Variants in RAB12 observed in about 807,000 individuals in gnomAD.
RAB12 encodes RAB12, member RAS oncogene family.
A neutral mutation model predicts 28.4 loss-of-function variants in RAB12; 11 were observed. The observed-to-expected ratio is 0.39, with a 90% confidence interval of 0.24 to 0.64. RAB12 has a LOEUF of 0.64. RAB12 is among the 30% of genes least tolerant of loss of function. The pLI is 0.50. For synonymous variants in RAB12, 138 were observed against 145.3 expected, an observed-to-expected ratio of 0.95 and a Z score of 0.36; for missense variants, 276 against 351.1, an observed-to-expected ratio of 0.79 and a Z score of 1.71.
intron 2 of RAB12, among the ~76,000 whole-genome samples, chr18:8,631,478 A>G (rs2096015952): frequency 6.6e-6 from 1 of 152,126 alleles, no homozygotes; most frequent in Non-Finnish European, 1.5e-5. Flanking sequence ...TCTGCCCACT[A>G]CTGCCCTGCT....
intron 2 of RAB12, among the ~76,000 whole-genome samples, 196 bp downstream of exon 2, chr18:8,625,194 C>CAT (rs2096011993): frequency 6.6e-6 from 1 of 152,226 alleles, no homozygotes; most frequent in Non-Finnish European, 1.5e-5. Flanking sequence ...GCCACTTGCA[C>CAT]ATGGGGAGCA....
intron 3 of RAB12, 123 bp downstream of exon 3, chr18:8,633,450 C>T: frequency 1.9e-6 from 2 of 1,060,168 alleles, no homozygotes; most frequent in South Asian, 1.5e-5. Flanking sequence ...ATCATTTAGC[C>T]CATATATAGC....
intron 2 of RAB12, among the ~76,000 whole-genome samples, chr18:8,626,065 C>T (rs1382885847): frequency 2.0e-5 from 3 of 152,084 alleles, no homozygotes; most frequent in Non-Finnish European, 4.4e-5. Flanking sequence ...GGTTTTTGTT[C>T]GTTTTCTTTT....
chr18:8,618,985 A>C (rs2096008276), intron 1 of RAB12, among the ~76,000 whole-genome samples: 1 of 152,194 alleles, frequency 6.6e-6, no homozygotes, highest in African/African-American at 2.4e-5. Context: ...AACTCACTGA[A>C]AATGCTTACA....
chr18:8,627,919 A>C (rs2096013752), intron 2 of RAB12, among the ~76,000 whole-genome samples: 1 of 152,230 alleles, frequency 6.6e-6, no homozygotes, highest in Admixed American at 6.5e-5. Context: ...TTAAGTGGCT[A>C]TATTAAATAC....
chr18:8,611,687 A>G (rs1009506648), intron 1 of RAB12, among the ~76,000 whole-genome samples: 2 of 152,158 alleles, frequency 1.3e-5, no homozygotes, highest in South Asian at 2.1e-4. Context: ...GCAGAGTTGC[A>G]TAGGATGTTT....
chr18:8,626,123 A>T (rs1183027431), intron 2 of RAB12, among the ~76,000 whole-genome samples: 1 of 152,188 alleles, frequency 6.6e-6, no homozygotes, highest in East Asian at 1.9e-4. Flanking sequence ...TTGATTATGA[A>T]ACATTAGGTC....
chr18:8,626,808 T>G (rs1358117320), intron 2 of RAB12, among the ~76,000 whole-genome samples: 1 of 152,232 alleles, frequency 6.6e-6, no homozygotes, highest in Non-Finnish European at 1.5e-5. Context: ...TTTTTCATTC[T>G]CTAAATCTGT....
chr18:8,624,003 C>G (rs1404761728), intron 1 of RAB12, among the ~76,000 whole-genome samples: 2 of 152,256 alleles, frequency 1.3e-5, no homozygotes, highest in Non-Finnish European at 2.9e-5. Flanking sequence ...CAGAGACGGG[C>G]AGTCAGGGGC....
At chr18:8,614,011 G>A (rs1453061154) in intron 1 of RAB12, among the ~76,000 whole-genome samples, 4 of 152,182 alleles carry the variant, frequency 2.6e-5, no homozygotes, top group African/African-American at 9.7e-5. Context: ...CTCAGCAAGT[G>A]GTCAGGGCCA....
intron 1 of RAB12, among the ~76,000 whole-genome samples, chr18:8,620,165 C>CTAAAA (rs2096009078): frequency 4.0e-5 from 3 of 75,440 alleles, no homozygotes; most frequent in African/African-American, 1.1e-4. Flanking sequence ...TTTTTTGCTT[C>CTAAAA]AAAAAAAAAA....
Position 8,609,645 on chromosome 18 carries a change from C to T in RAB12, c.206C>T (p.Ala69Val). The change falls in exon 1 of 6, where the codon GCC becomes GTC. Residue 69 changes from alanine (A) to valine (V), a missense_variant. This residue lies in a region of RAB12 where 72 missense variants were observed against 55.5 expected (regional missense o/e 1.30). Coordinates refer to ENST00000649141, the MANE Select transcript of RAB12 (RefSeq NM_001025300.3). ...GCCGACCCCCCGCGCGCGGCGGAGGCCGAGGGGGCGCCGGGGCCCGGGGCG... is the reference window on the plus strand; with the variant it reads ...GCCGACCCCCCGCGCGCGGCGGAGGTCGAGGGGGCGCCGGGGCCCGGGGCG... ...PGADPPRAAE[A>V]EGAPGPGARS... is the part of the protein sequence containing the mutation. 1 of 729,378 alleles carries T rather than the reference C, an allele frequency of 1.4e-6. No homozygotes were observed. Among genetic ancestry groups the T allele is most frequent in the Non-Finnish European group, 1.7e-6 (1 of 599,214 alleles). 45.2% of individuals were successfully genotyped at this position (729,378 alleles called of 1,614,324 possible).
intron 3 of RAB12, among the ~76,000 whole-genome samples, chr18:8,633,733 C>G (rs533196330): frequency 6.6e-5 from 10 of 152,202 alleles, no homozygotes; most frequent in Non-Finnish European, 1.2e-4. Context: ...TCCCACGCGC[C>G]TCCGTCACCC....
intron 2 of RAB12, among the ~76,000 whole-genome samples, chr18:8,629,869 C>G (rs761917657): frequency 5.3e-5 from 8 of 152,192 alleles, no homozygotes; most frequent in Non-Finnish European, 1.0e-4. Context: ...CATGGAAGAG[C>G]CTGTTGCCCC....
chr18:8,638,004 GGAGGCAGGA>G, intron 5 of RAB12, 136 bp from the exon 6 acceptor site: 1 of 592,216 alleles, frequency 1.7e-6, no homozygotes, highest in South Asian at 2.0e-5. Context: ...AGGTGAGTGG[GGAGGCAGGA>G]GAGGCAGGTG....
In RAB12 at chr18:8,638,696, G is replaced by A. The variant is rs553025455; in HGVS notation, c.*434G>A. Reference sequence around the variant, plus strand: ...ACTTTTTGAAAAAAAGCTATCTTAAGTGCTTTTTCTTTATTTACAAGACAT... The same window carrying A: ...ACTTTTTGAAAAAAAGCTATCTTAAATGCTTTTTCTTTATTTACAAGACAT... On this transcript the variant is annotated 3_prime_UTR_variant, in exon 6 of 6. Coordinates refer to ENST00000649141, the MANE Select transcript of RAB12 (RefSeq NM_001025300.3). 1 of 154,746 alleles carries A rather than the reference G, an allele frequency of 6.5e-6. No homozygotes were observed. Among genetic ancestry groups the A allele is most frequent in the African/African-American group, 2.4e-5 (1 of 41,592 alleles). 9.6% of individuals were successfully genotyped at this position (154,746 alleles called of 1,614,324 possible). A position where few individuals can be genotyped will look rare whatever the true frequency, so the allele number is the denominator to read the frequency against.
chr18:8,616,303 G>A (rs1272286187), intron 1 of RAB12, among the ~76,000 whole-genome samples: 2 of 148,748 alleles, frequency 1.3e-5, no homozygotes, highest in Non-Finnish European at 1.5e-5. Flanking sequence ...TTTAATTCAC[G>A]TCTTTGACAT....
chr18:8,614,993 C>T (rs915064218), intron 1 of RAB12, among the ~76,000 whole-genome samples: 3 of 152,212 alleles, frequency 2.0e-5, no homozygotes, highest in African/African-American at 4.8e-5. Context: ...CCTTTAACTC[C>T]GCTGCAGGCC....
chr18:8,615,790 A>G (rs978605708), intron 1 of RAB12, among the ~76,000 whole-genome samples: 2 of 152,260 alleles, frequency 1.3e-5, no homozygotes, highest in African/African-American at 4.8e-5. Context: ...TATGTTGAAT[A>G]AAAATCTATT....
Sources: gnomAD v4.1 joint callset for allele counts (sites outside exome capture counted in the v4.1 genomes callset) on GRCh38, gnomAD v4.1.1 for gene constraint, gnomAD v4.1.1 regional missense constraint, MANE v1.5 for transcripts, NCBI Gene and HGNC (gene_info 2026-07-23, HGNC 2026-07-21) for gene names.